NARS2: variants seen among roughly 807,000 people sequenced by gnomAD.
The protein encoded by NARS2 is asparaginyl-tRNA synthetase.
NARS2 carries 60 observed loss-of-function variants against 62.9 expected under a neutral mutation model. That is an observed-to-expected ratio of 0.95 (90% CI 0.77 to 1.18). NARS2 has a LOEUF of 1.18. Among genes scored for constraint, NARS2 ranks in the 50% most tolerant of loss-of-function variants. The probability of loss-of-function intolerance (pLI) is 0.00; values close to 1 mark genes in which losing one functional copy is unlikely to be tolerated. For missense variants in NARS2, 619 were observed against 576.4 expected, an observed-to-expected ratio of 1.07 and a Z score of -0.76; for synonymous variants, 196 against 200.0, an observed-to-expected ratio of 0.98 and a Z score of 0.17.
chr11:78,458,835 A>C (rs1279954649), intron 11 of NARS2, among the ~76,000 whole-genome samples: 1 of 152,122 alleles, frequency 6.6e-6, no homozygotes, highest in Non-Finnish European at 1.5e-5. Flanking sequence ...GTTGTGGGAG[A>C]TAACTGAATC....
chr11:78,556,046 G>T (rs1365533900), intron 5 of NARS2, among the ~76,000 whole-genome samples: 2 of 152,090 alleles, frequency 1.3e-5, no homozygotes, highest in Non-Finnish European at 2.9e-5. Context: ...GAGTGTGTTT[G>T]GTATGCTTTC....
At chr11:78,491,127 C>T (rs1376587511) in intron 7 of NARS2, among the ~76,000 whole-genome samples, 6 of 152,136 alleles carry the variant, frequency 3.9e-5, no homozygotes, top group Non-Finnish European at 7.4e-5. Context: ...ATCCTGAATC[C>T]CTACAGTCCA....
At chr11:78,454,629 T>G (rs1428783495) in intron 11 of NARS2, among the ~76,000 whole-genome samples, 1 of 151,924 alleles carries the variant, frequency 6.6e-6, no homozygotes, top group Non-Finnish European at 1.5e-5. Flanking sequence ...CAGGTGTTTT[T>G]TTTTTTTTTA....
intron 11 of NARS2, among the ~76,000 whole-genome samples, chr11:78,463,551 C>T (rs529742618): frequency 1.3e-4 from 19 of 151,688 alleles, no homozygotes; most frequent in South Asian, 4.2e-4. Flanking sequence ...ATGGGTGTGG[C>T]GGCACACGCC....
At chr11:78,525,444 G>GT (rs1365073562) in intron 6 of NARS2, among the ~76,000 whole-genome samples, 2 of 151,510 alleles carry the variant, frequency 1.3e-5, no homozygotes, top group South Asian at 2.1e-4. Flanking sequence ...TCAAAGGGGC[G>GT]TAAGAATCAA....
intron 6 of NARS2, among the ~76,000 whole-genome samples, chr11:78,502,669 T>A (rs1449688421): frequency 6.6e-6 from 1 of 152,158 alleles, no homozygotes; most frequent in Non-Finnish European, 1.5e-5. Context: ...TTTTATCTTA[T>A]GTGTATTTTG....
At chr11:78,553,439 C>T (rs1856205425) in intron 5 of NARS2, among the ~76,000 whole-genome samples, 1 of 152,120 alleles carries the variant, frequency 6.6e-6, no homozygotes, top group African/African-American at 2.4e-5. Context: ...CAGGCATGTG[C>T]CACCATGCCC....
At chr11:78,492,961 C>G (rs1403549976) in intron 7 of NARS2, 102 bp downstream of exon 7, 1 of 1,028,158 alleles carries the variant, frequency 9.7e-7, no homozygotes, top group African/African-American at 1.6e-5. Flanking sequence ...CCCTTCTTTT[C>G]ACTTTATGAA....
chr11:78,485,457 A>G (rs967303703), intron 7 of NARS2, among the ~76,000 whole-genome samples: 1 of 152,210 alleles, frequency 6.6e-6, no homozygotes, highest in African/African-American at 2.4e-5. Context: ...AGGACTCAGA[A>G]AAATAAACAA....
chr11:78,542,849 T>C (rs115530779), intron 5 of NARS2, among the ~76,000 whole-genome samples: 1 of 152,186 alleles, frequency 6.6e-6, no homozygotes, highest in Non-Finnish European at 1.5e-5. Context: ...CAGACAGCCA[T>C]GATCGCTGGC....
At chr11:78,509,112 GAAA>G (rs201305584) in intron 6 of NARS2, among the ~76,000 whole-genome samples, 1 of 84,754 alleles carries the variant, frequency 1.2e-5, no homozygotes, top group Non-Finnish European at 2.6e-5. Context: ...CTTTAAAAAG[GAAA>G]AAAAAAAAAA....
intron 5 of NARS2, among the ~76,000 whole-genome samples, chr11:78,536,758 T>G (rs955634750): frequency 6.6e-6 from 1 of 152,220 alleles, no homozygotes; most frequent in African/African-American, 2.4e-5. Flanking sequence ...TAGTGTAGCT[T>G]AAGTACATAG....
intron 5 of NARS2, among the ~76,000 whole-genome samples, chr11:78,539,831 G>A (rs985887982): frequency 6.6e-6 from 1 of 152,146 alleles, no homozygotes; most frequent in Non-Finnish European, 1.5e-5. Flanking sequence ...AATCTCCCAA[G>A]TTCCCAATGC....
rs764254167 is a variant in NARS2 at position 78,468,310 on chromosome 11, G to GAAAAAAAAAAAAAAA, written c.1026+922_1026+936dup. On this transcript the variant is annotated intron_variant, in intron 10 of 13. Coordinates refer to ENST00000281038, the MANE Select transcript of NARS2 (RefSeq NM_024678.6). ...ACCTGCTTCTGCAAGCACTAAATCT[G>GAAAAAAAAAAAAAAA]AAAAAAAAAAAAAAAAAAGAAAAAA... is the stretch of plus-strand genomic sequence containing the variant. 3.5e-3 allele frequency among the ~76,000 whole-genome samples: 232 copies of GAAAAAAAAAAAAAAA among 66,518 alleles called. 1 individual carries two copies. The highest frequency in any genetic ancestry group is 0.016 in the Middle Eastern group (2 of 128). The allele number at this position is 66,518 out of a possible 152,430, so 43.6% of individuals were successfully genotyped here. A position where few individuals can be genotyped will look rare whatever the true frequency, so the allele number is the denominator to read the frequency against.
At chr11:78,493,007 A>G (rs1859891397) in intron 7 of NARS2, 56 bp downstream of exon 7, 6 of 1,452,894 alleles carry the variant, frequency 4.1e-6, no homozygotes, top group East Asian at 2.3e-5. Flanking sequence ...GTAAAAATAT[A>G]TACAGAAACA....
chr11:78,463,424 G>A (rs1440242868), intron 11 of NARS2, among the ~76,000 whole-genome samples: 4 of 152,094 alleles, frequency 2.6e-5, no homozygotes, highest in Non-Finnish European at 4.4e-5. Context: ...AGTGGCTCAC[G>A]CCTGTAATCC....
chr11:78,445,843 C>T (rs1404297709), intron 11 of NARS2, among the ~76,000 whole-genome samples: 1 of 151,898 alleles, frequency 6.6e-6, no homozygotes, highest in Admixed American at 6.6e-5. Flanking sequence ...GCCTGTGGTC[C>T]CGGCTACTTG....
At chr11:78,455,779 A>G (rs891186286) in intron 11 of NARS2, among the ~76,000 whole-genome samples, 4 of 152,014 alleles carry the variant, frequency 2.6e-5, no homozygotes, top group Non-Finnish European at 5.9e-5. Flanking sequence ...CCTAGCTTCA[A>G]TACCTGCTAG....
intron 9 of NARS2, among the ~76,000 whole-genome samples, chr11:78,476,748 A>C (rs1859115951): frequency 6.6e-6 from 1 of 152,084 alleles, no homozygotes; most frequent in South Asian, 2.1e-4. Flanking sequence ...GCCCAAGAGG[A>C]CATTTTCCAA....
Sources: gnomAD v4.1 joint callset for allele counts (sites outside exome capture counted in the v4.1 genomes callset) on GRCh38, gnomAD v4.1.1 for gene constraint, MANE v1.5 for transcripts, NCBI Gene and HGNC (gene_info 2026-07-23, HGNC 2026-07-21) for gene names.